Variants in EFNA2 observed in about 807,000 individuals in gnomAD.
The protein encoded by EFNA2 is ephrin-A2.
EFNA2 carries 18 observed loss-of-function variants against 19.7 expected under a neutral mutation model. The ratio of observed to expected loss-of-function variants is 0.91; its 90% confidence interval spans 0.63 to 1.35. The LOEUF is 1.35. Among genes scored for constraint, EFNA2 ranks in the 40% most tolerant of loss-of-function variants. The pLI, the probability that EFNA2 is intolerant of heterozygous loss-of-function variation, is 0.00. For missense variants in EFNA2, 303 were observed against 296.0 expected (o/e 1.02, Z -0.17); for synonymous variants, 187 against 137.8 (o/e 1.36, Z -2.50).
intron 1 of EFNA2, among the ~76,000 whole-genome samples, chr19:1,288,909 C>A (rs886933408): frequency 6.6e-6 from 1 of 152,214 alleles, no homozygotes; most frequent in African/African-American, 2.4e-5. Flanking sequence ...TGTTCCCAGC[C>A]GACCCGCATC....
At chr19:1,288,335 A>C (rs979875523) in intron 1 of EFNA2, among the ~76,000 whole-genome samples, 1 of 152,002 alleles carries the variant, frequency 6.6e-6, no homozygotes, top group Non-Finnish European at 1.5e-5. Flanking sequence ...CAGGCACAGC[A>C]GGGGGTGGTG....
At position 1,298,761 on chromosome 19, in the gene EFNA2, G is replaced by A. The variant is rs965940247; in HGVS notation, c.520+145G>A. 34 of 859,250 alleles carry A rather than the reference G, an allele frequency of 4.0e-5. 1 individual carries two copies. The highest frequency in any genetic ancestry group is 4.4e-4 in the Middle Eastern group (2 of 4,520). 53.2% of individuals were successfully genotyped at this position (859,250 alleles called of 1,614,324 possible). On this transcript the variant is annotated intron_variant, in intron 3 of 3. Transcript: ENST00000215368. ...GCCTTGCCCCAGCCTCGATTTCCCC[G>A]TCTGATGAACATGTCAGACCTTCGA...
rs2081532474 is a variant in EFNA2 at position 1,299,877 on chromosome 19, A to G, written c.574A>G (p.Ser192Gly). 1.1e-5 allele frequency: 17 copies of G among 1,604,700 alleles called. No homozygotes were observed. Among genetic ancestry groups the G allele is most frequent in the Non-Finnish European group, 1.4e-5 (16 of 1,178,036 alleles). The change falls in exon 4 of 4, where the codon AGC (serine) becomes GGC (glycine). Residue 192 changes from serine to glycine, a missense_variant. Transcript: ENST00000215368. Reference sequence around the variant, plus strand: ...CATCTTCACCAGCAATAACTCGTGTAGCAGCCCGGGCGGCTGCCGCCTCTT... The same window carrying G: ...CATCTTCACCAGCAATAACTCGTGTGGCAGCCCGGGCGGCTGCCGCCTCTT... The part of the protein sequence containing the change: ...EPIFTSNNSC[S>G]SPGGCRLFLS...
Position 1,300,019 on chromosome 19 carries a change from G to A in EFNA2, c.*74G>A, listed in dbSNP as rs571126351. The A allele has an allele frequency of 3.1e-5, 46 of 1,491,464 alleles. No individual in the cohort carries two copies. In the Admixed American group the frequency reaches 3.8e-4, roughly 12 times the overall value. 92.4% of individuals were successfully genotyped at this position (1,491,464 alleles called of 1,614,324 possible). A position where few individuals can be genotyped will look rare whatever the true frequency, so the allele number is the denominator to read the frequency against. On this transcript the variant is annotated 3_prime_UTR_variant, in exon 4 of 4. Transcript: ENST00000215368. ...CGCCTGACCTCGGCCCTCCGGACCC[G>A]GCTGCGGCCCCCGCCTCCGAGACCA... is the stretch of plus-strand genomic sequence containing the variant.
chr19:1,300,123 C>T lies in EFNA2; in HGVS notation c.*178C>T, dbSNP rs1248746717. The T allele has an allele frequency of 1.8e-5, 16 of 906,106 alleles. No homozygotes were observed. The highest frequency in any genetic ancestry group is 2.5e-5 in the Non-Finnish European group (16 of 644,382). The allele number at this position is 906,106 out of a possible 1,614,324, so 56.1% of individuals were successfully genotyped here. A position where few individuals can be genotyped will look rare whatever the true frequency, so the allele number is the denominator to read the frequency against. ...ATCCACCCGCCCCAGGACCAGCCCTCAGGGAGGGGAAACGGCCGAGAGCCC... is the reference window on the plus strand; with the variant it reads ...ATCCACCCGCCCCAGGACCAGCCCTTAGGGAGGGGAAACGGCCGAGAGCCC... On this transcript the variant is annotated 3_prime_UTR_variant, in exon 4 of 4. Coordinates refer to ENST00000215368, the MANE Select transcript of EFNA2 (RefSeq NM_001405.4).
chr19:1,288,805 C>T (rs1033233329), intron 1 of EFNA2, among the ~76,000 whole-genome samples: 4 of 152,138 alleles, frequency 2.6e-5, no homozygotes, highest in Non-Finnish European at 5.9e-5. Flanking sequence ...TGGCCGGCCC[C>T]GCCACTCCCA....
At chr19:1,291,492 G>A (rs2081491226) in intron 1 of EFNA2, among the ~76,000 whole-genome samples, 1 of 152,224 alleles carries the variant, frequency 6.6e-6, no homozygotes, top group Non-Finnish European at 1.5e-5. Context: ...AGGTCTTGCT[G>A]GGGGTGGCAG....
intron 1 of EFNA2, among the ~76,000 whole-genome samples, chr19:1,292,813 G>A (rs900439931): frequency 5.3e-5 from 8 of 152,190 alleles, no homozygotes; most frequent in African/African-American, 1.2e-4. Flanking sequence ...GCTGGGCCCC[G>A]GCAGACCCTC....
rs1305225667 is a variant in EFNA2 at position 1,294,210 on chromosome 19, C to A, written c.141-1335C>A. On this transcript the variant is annotated intron_variant, in intron 1 of 3. Coordinates refer to ENST00000215368, the MANE Select transcript of EFNA2 (RefSeq NM_001405.4). This position sits in a 1 kb window ranked among gnomAD's most constrained non-coding sequence, Gnocchi z 5.8. ...CTTTTATGTGCTAATAAGCCCCTCT[C>A]AGGGCCCCCCTCGTGCCCCGCTTGG... Among the ~76,000 whole-genome samples the A allele has an allele frequency of 6.6e-6, 1 of 152,246 alleles. No individual in the cohort carries two copies. Among genetic ancestry groups the A allele is most frequent in the Non-Finnish European group, 1.5e-5 (1 of 68,042 alleles).
At chr19:1,291,315 C>T (rs2081490552) in intron 1 of EFNA2, among the ~76,000 whole-genome samples, 1 of 152,242 alleles carries the variant, frequency 6.6e-6, no homozygotes, top group Non-Finnish European at 1.5e-5. Flanking sequence ...TCCTGCACCA[C>T]AAGGCCATAC....
At position 1,286,246 on chromosome 19, in the gene EFNA2, C is replaced by A; in HGVS notation, c.78C>A (p.Ala26=). The change falls in exon 1 of 4, where the codon GCC becomes GCA. Residue 26 remains alanine, a synonymous_variant. Transcript: ENST00000215368. This position sits in a 1 kb window ranked among gnomAD's most constrained non-coding sequence, Gnocchi z 5.6. ...TGCCGCCGCCGCCCTTCGCGCGCGC[C>A]GAGGACGCCGCCCGCGCCAACTCGG... ...LPLPPPPFAR[A]EDAARANSDR... is the part of the protein sequence containing the mutation. 11 of 1,129,946 alleles carry A rather than the reference C, an allele frequency of 9.7e-6. No individual in the cohort carries two copies. The highest frequency in any genetic ancestry group is 1.9e-5 in the South Asian group (1 of 51,712). The allele number at this position is 1,129,946 out of a possible 1,614,324, so 70.0% of individuals were successfully genotyped here. A position where few individuals can be genotyped will look rare whatever the true frequency, so the allele number is the denominator to read the frequency against.
upstream of EFNA2, among the ~76,000 whole-genome samples, chr19:1,284,636 C>T (rs546779777): frequency 3.9e-5 from 6 of 152,324 alleles, no homozygotes; most frequent in Middle Eastern, 3.4e-3. The surrounding 1 kb of genome is among the most constrained non-coding windows in gnomAD (Gnocchi z 5.3). Flanking sequence ...GAGCCCACCA[C>T]GTCTCAGAGC....
At position 1,295,449 on chromosome 19, in the gene EFNA2, T is replaced by C; in HGVS notation, c.141-96T>C. 1 of 1,291,036 alleles carries C rather than the reference T, an allele frequency of 7.7e-7. No homozygotes were observed. Among genetic ancestry groups the C allele is most frequent in the Non-Finnish European group, 1.0e-6 (1 of 981,084 alleles). The allele number at this position is 1,291,036 out of a possible 1,614,324, so 80.0% of individuals were successfully genotyped here. On this transcript the variant is annotated intron_variant, in intron 1 of 3. Coordinates refer to ENST00000215368, the MANE Select transcript of EFNA2 (RefSeq NM_001405.4). The surrounding 1 kb of genome is among the most constrained non-coding windows in gnomAD (Gnocchi z 5.8). ...GCCGCGCACCCCGACCCGTCCCTCG[T>C]GCTCCTGTCCCCTGACCCTGGCCCT...
rs1372474420 is a variant in EFNA2 at position 1,294,577 on chromosome 19, G to A, written c.141-968G>A. Among the ~76,000 whole-genome samples the A allele has an allele frequency of 6.6e-6, 1 of 151,990 alleles. No homozygotes were observed. Among genetic ancestry groups the A allele is most frequent in the Non-Finnish European group, 1.5e-5 (1 of 67,998 alleles). ...GATGTGAGAGGGTGGTATGGGGCTCGCAGGGTCACACAGGAAGGCAGGGGT... is the reference window on the plus strand; with the variant it reads ...GATGTGAGAGGGTGGTATGGGGCTCACAGGGTCACACAGGAAGGCAGGGGT... On this transcript the variant is annotated intron_variant, in intron 1 of 3. Transcript: ENST00000215368. This position sits in a 1 kb window ranked among gnomAD's most constrained non-coding sequence, Gnocchi z 5.8.
At chr19:1,298,325 C>T (rs1568870532) in intron 2 of EFNA2, among the ~76,000 whole-genome samples, 2 of 152,214 alleles carry the variant, frequency 1.3e-5, no homozygotes, top group East Asian at 3.9e-4. Flanking sequence ...CCCCCAGGTT[C>T]TGGGGTCAGG....
rs901819145 is a variant in EFNA2 at position 1,300,697 on chromosome 19, G to A, written c.*752G>A. Among the ~76,000 whole-genome samples, 1 of 151,984 alleles carries A rather than the reference G, an allele frequency of 6.6e-6. No individual in the cohort carries two copies. The highest frequency in any genetic ancestry group is 1.9e-4 in the East Asian group (1 of 5,170). On this transcript the variant is annotated 3_prime_UTR_variant, in exon 4 of 4. Transcript: ENST00000215368. ...ACCTCATACCCCATCGCCCACCCCC[G>A]TCCTCCTGGTCATTTCCTCCCAGAC...
chr19:1,292,782 C>T (rs576552469), intron 1 of EFNA2, among the ~76,000 whole-genome samples: 4 of 152,276 alleles, frequency 2.6e-5, no homozygotes, highest in Non-Finnish European at 4.4e-5. Context: ...TGCAGAAGAG[C>T]GAGGCTTGGG....
intron 1 of EFNA2, among the ~76,000 whole-genome samples, chr19:1,288,354 C>T (rs1240293483): frequency 6.6e-6 from 1 of 152,132 alleles, no homozygotes; most frequent in African/African-American, 2.4e-5. Flanking sequence ...TGCTGGGCCT[C>T]CGTATCCAAG....
Position 1,295,870 on chromosome 19 carries a change from C to G in EFNA2, c.454+12C>G, listed in dbSNP as rs2081512243. 1.5e-6 allele frequency: 2 copies of G among 1,337,006 alleles called. No individual in the cohort carries two copies. The highest frequency in any genetic ancestry group is 2.0e-6 in the Non-Finnish European group (2 of 1,021,086). The allele number at this position is 1,337,006 out of a possible 1,614,324, so 82.8% of individuals were successfully genotyped here. The stretch of plus-strand genomic sequence containing the variant: ...GTATTACTACATCTGTGAGTGGGGT[C>G]GGGCCGGGGCTGCCGGGGCCCGAGT... On this transcript the variant is annotated intron_variant, in intron 2 of 3. Transcript: ENST00000215368. The surrounding 1 kb of genome is among the most constrained non-coding windows in gnomAD (Gnocchi z 5.8).
Sources: allele counts gnomAD v4.1 joint callset (sites outside exome capture counted in the v4.1 genomes callset), GRCh38; gene constraint gnomAD v4.1.1; non-coding constraint Gnocchi (gnomAD v3.1); transcripts MANE v1.5; gene names NCBI Gene and HGNC (gene_info 2026-07-23, HGNC 2026-07-21).